Variants in FAM53A observed in about 807,000 individuals in gnomAD.
FAM53A encodes the protein protein FAM53A.
Under a neutral mutation model 26.6 loss-of-function variants are expected in FAM53A, and 28 were observed. The ratio of observed to expected loss-of-function variants is 1.05; its 90% CI spans 0.78 to 1.45. The LOEUF (loss-of-function observed/expected upper bound fraction) is 1.45, where lower values mean the gene tolerates loss of function less well. Among genes scored for constraint, FAM53A ranks in the 40% most tolerant of loss-of-function variants. FAM53A has a pLI of 0.00. For synonymous variants in FAM53A, 290 were observed against 253.1 expected, an observed-to-expected ratio of 1.15 and a Z score of -1.38; for missense variants, 650 against 575.8, an observed-to-expected ratio of 1.13 and a Z score of -1.32.
Position 1,655,729 on chromosome 4 carries a change from A to G in FAM53A, c.137-6T>C, listed in dbSNP as rs1235869932. On this transcript the variant is annotated splice_region_variant and splice_polypyrimidine_tract_variant and intron_variant, in intron 3 of 4. Transcript: ENST00000308132. The stretch of plus-strand genomic sequence containing the variant: ...GACCTTCCAGGGACTCTGGTCTACA[A>G]AAAAAGACACAAAGAGGCAGGGGAA... 1.3e-6 allele frequency: 2 copies of G among 1,545,612 alleles called. No individual in the cohort carries two copies. Among genetic ancestry groups the G allele is most frequent in the Non-Finnish European group, 1.7e-6 (2 of 1,154,376 alleles).
chr4:1,592,778 G>T, the FAM53A span, among the ~76,000 whole-genome samples: 1 of 152,134 alleles, frequency 6.6e-6, no homozygotes, highest in Non-Finnish European at 1.5e-5. Context: ...CCCTGCCATC[G>T]CTGCCCACAG....
the FAM53A span, among the ~76,000 whole-genome samples, chr4:1,611,413 C>T: frequency 6.6e-6 from 1 of 152,324 alleles, no homozygotes; most frequent in East Asian, 1.9e-4. Flanking sequence ...CCAGCTCAGG[C>T]CACAAGGGCA....
chr4:1,606,936 T>C, the FAM53A span, among the ~76,000 whole-genome samples: 1 of 152,224 alleles, frequency 6.6e-6, no homozygotes, highest in Admixed American at 6.5e-5. Flanking sequence ...CCACCGCAGC[T>C]GTACCACCTC....
rs75340300 is a variant in FAM53A at position 1,672,340 on chromosome 4, A to G, written c.-164-3435T>C. On this transcript the variant is annotated intron_variant, in intron 1 of 4. Transcript: ENST00000308132. ...TGGACCCACAAACCCAGGAACCCAT[A>G]GACCCATGGACCCAGGAACCCAGGA... 1.2e-4 allele frequency among the ~76,000 whole-genome samples: 9 copies of G among 75,238 alleles called. 1 individual carries two copies. The highest frequency in any genetic ancestry group is 2.0e-4 in the African/African-American group (5 of 24,540). 49.4% of individuals were successfully genotyped at this position (75,238 alleles called of 152,430 possible). A position where few individuals can be genotyped will look rare whatever the true frequency, so the allele number is the denominator to read the frequency against.
At chr4:1,683,763 C>T (rs1305970720) in intron 1 of FAM53A, 2 of 152,254 alleles carry the variant, frequency 1.3e-5, no homozygotes, top group Non-Finnish European at 2.9e-5. Flanking sequence ...CGGAAAAAGA[C>T]ACCCCTCTAG....
intron 2 of FAM53A, among the ~76,000 whole-genome samples, chr4:1,658,514 G>A (rs992931062): frequency 5.3e-5 from 8 of 152,366 alleles, no homozygotes; most frequent in East Asian, 3.9e-4. Context: ...GGACCTGAGC[G>A]CCTAAGCCAG....
Position 1,630,487 on chromosome 4 carries a change from G to C in FAM53A, c.432-12376C>G, listed in dbSNP as rs1715566772. On this transcript the variant is annotated intron_variant, in intron 1 of 1. Transcript: ENST00000489029. The surrounding 1 kb of genome is among the most constrained non-coding windows in gnomAD (Gnocchi z 4.3). ...CCGACCCCCAACTCATGGATCACGT[G>C]TCACGAATCGTGTATGGGGACACAC... is the stretch of plus-strand genomic sequence containing the variant. Among the ~76,000 whole-genome samples the C allele has an allele frequency of 6.6e-6, 1 of 152,230 alleles. No individual in the cohort carries two copies. Among genetic ancestry groups the C allele is most frequent in the Non-Finnish European group, 1.5e-5 (1 of 68,046 alleles).
At chr4:1,652,688 A>G (rs1712964461) in intron 4 of FAM53A, among the ~76,000 whole-genome samples, 1 of 141,512 alleles carries the variant, frequency 7.1e-6, no homozygotes, top group Non-Finnish European at 1.5e-5. Context: ...CATACCACAG[A>G]CCACACACCA....
chr4:1,588,096 C>T, the FAM53A span, among the ~76,000 whole-genome samples: 1 of 152,204 alleles, frequency 6.6e-6, no homozygotes, highest in East Asian at 1.9e-4. Flanking sequence ...AGTCAGCCAT[C>T]GGCGGCTGTG....
intron 1 of FAM53A, among the ~76,000 whole-genome samples, chr4:1,682,698 G>A (rs1326232839): frequency 6.6e-6 from 1 of 151,642 alleles, no homozygotes; most frequent in Non-Finnish European, 1.5e-5. Context: ...TCTGTTTCCT[G>A]TGCACATCAT....
chr4:1,669,598 C>T (rs1714486773), intron 1 of FAM53A, among the ~76,000 whole-genome samples: 1 of 152,222 alleles, frequency 6.6e-6, no homozygotes, highest in South Asian at 2.1e-4. Context: ...CCCAAACTGC[C>T]CCGGCTTTGA....
chr4:1,647,180 C>T (rs376864206), intron 4 of FAM53A, among the ~76,000 whole-genome samples: 2 of 151,712 alleles, frequency 1.3e-5, no homozygotes, highest in Non-Finnish European at 2.9e-5. Flanking sequence ...ACTAAAAATA[C>T]AAAAAATTAG....
At chr4:1,597,675 C>G in the FAM53A span, among the ~76,000 whole-genome samples, 2 of 152,142 alleles carry the variant, frequency 1.3e-5, no homozygotes, top group Non-Finnish European at 1.5e-5. Context: ...CAGGGAGCAC[C>G]TGGGTGGTAC....
At chr4:1,648,195 A>G (rs2108848545) in intron 4 of FAM53A, among the ~76,000 whole-genome samples, 1 of 152,278 alleles carries the variant, frequency 6.6e-6, no homozygotes, top group Middle Eastern at 3.4e-3. Flanking sequence ...GGCAACAGAG[A>G]GAGAGACCCT....
At chr4:1,654,502 C>T (rs906883213) in intron 4 of FAM53A, among the ~76,000 whole-genome samples, 3 of 152,264 alleles carry the variant, frequency 2.0e-5, no homozygotes, top group Non-Finnish European at 1.5e-5. Flanking sequence ...AGCGCACAGG[C>T]GCTGCTGGGC....
chr4:1,591,307 TCACTGTTG>T, the FAM53A span, among the ~76,000 whole-genome samples: 1 of 152,138 alleles, frequency 6.6e-6, no homozygotes, highest in Non-Finnish European at 1.5e-5. Context: ...TTTATTGTAC[TCACTGTTG>T]CATTAGGGTT....
At chr4:1,613,449 G>A (rs60700012), downstream of FAM53A, among the ~76,000 whole-genome samples, 29 of 152,222 alleles carry the variant, frequency 1.9e-4, no homozygotes, top group African/African-American at 7.0e-4. Flanking sequence ...AAGGCCCTGC[G>A]TCTTAGTCCT....
chr4:1,649,011 G>A (rs536554991), intron 4 of FAM53A, among the ~76,000 whole-genome samples: 2 of 152,300 alleles, frequency 1.3e-5, no homozygotes, highest in South Asian at 4.1e-4. Context: ...CACTTGGGAA[G>A]CTGACGCAGG....
chr4:1,596,412 T>TCC, the FAM53A span, among the ~76,000 whole-genome samples: 2 of 139,744 alleles, frequency 1.4e-5, no homozygotes, highest in African/African-American at 5.5e-5. Flanking sequence ...CCACCCACCT[T>TCC]CCCCAAAGGT....
Sources: gnomAD v4.1 joint callset for allele counts (sites outside exome capture counted in the v4.1 genomes callset) on GRCh38, gnomAD v4.1.1 for gene constraint, Gnocchi (gnomAD v3.1) non-coding constraint, MANE v1.5 for transcripts, NCBI Gene and HGNC (gene_info 2026-07-23, HGNC 2026-07-21) for gene names.